The following ZNF44 variants were observed in gnomAD, a reference collection of about 807,000 sequenced individuals.
ZNF44 encodes the protein gonadotropin inducible transcription repressor-2.
ZNF44 carries 9 observed loss-of-function variants against 11.7 expected under a neutral mutation model. The observed-to-expected ratio is 0.77, with a 90% CI of 0.46 to 1.35. The LOEUF is 1.35. ZNF44 is among the 40% of genes most tolerant of loss of function. The pLI is 0.00. For synonymous variants in ZNF44, 224 were observed against 242.7 expected, an observed-to-expected ratio of 0.92 and a Z score of 0.72; for missense variants, 696 against 743.1, an observed-to-expected ratio of 0.94 and a Z score of 0.74.
At chr19:12,247,539 G>A, downstream of ZNF44, 1 of 1,349,942 alleles carries the variant, frequency 7.4e-7, no homozygotes, top group Non-Finnish European at 9.9e-7. Flanking sequence ...TTTCTCTCCA[G>A]TGTGGGTTCT....
At chr19:12,238,925 GC>G (rs1451702976), upstream of ZNF44, among the ~76,000 whole-genome samples, 1 of 152,182 alleles carries the variant, frequency 6.6e-6, no homozygotes, top group Non-Finnish European at 1.5e-5. Context: ...CTGTAACGCA[GC>G]CCCAGAGGGG....
At chr19:12,263,743 G>T (rs1160196603) in intron 5 of ZNF44, among the ~76,000 whole-genome samples, 1 of 151,822 alleles carries the variant, frequency 6.6e-6, no homozygotes, top group Non-Finnish European at 1.5e-5. Context: ...GGCTAACATG[G>T]TGAAACCCCG....
At chr19:12,257,430 A>T (rs532496902) in intron 5 of ZNF44, among the ~76,000 whole-genome samples, 1 of 151,898 alleles carries the variant, frequency 6.6e-6, no homozygotes, top group Non-Finnish European at 1.5e-5. Context: ...AGGGTAGATC[A>T]CCTGAGGTCA....
chr19:12,242,069 T>C (rs1213606163), upstream of ZNF44, among the ~76,000 whole-genome samples: 1 of 152,126 alleles, frequency 6.6e-6, no homozygotes, highest in Non-Finnish European at 1.5e-5. Flanking sequence ...GGTTGTTTAA[T>C]GGGTACCAAT....
Position 12,272,720 on chromosome 19 carries a change from G to C in ZNF44, c.1535C>G (p.Ala512Gly), listed in dbSNP as rs761171036. The C allele has an allele frequency of 1.2e-6, 2 of 1,613,578 alleles. No individual in the cohort carries two copies. Among genetic ancestry groups the C allele is most frequent in the African/African-American group, 2.7e-5 (2 of 74,998 alleles). The change falls in exon 4 of 4, where the codon GCC becomes GGC. Residue 512 changes from alanine (A) to glycine (G), a missense_variant. Transcript: ENST00000355684. ...TTTTAAGTAACTGAAACGACTGAAG[G>C]CTTTGCCACAAATTTGACACTCATA... ...KSYECQICGK[A>G]FSRFSYLKTH...
At chr19:12,228,176 T>TA (rs1397207550) in intron 3 of ZNF44, among the ~76,000 whole-genome samples, 122 of 106,032 alleles carry the variant, frequency 1.2e-3, no homozygotes, top group African/African-American at 5.2e-3. Flanking sequence ...TTGTTTAACT[T>TA]AACTTTTTTA....
intron 5 of ZNF44, chr19:12,266,182 C>T (rs2438534): frequency 0.16 from 146,965 of 891,774 alleles, 13,860 homozygotes; most frequent in African/African-American, 0.4. Context: ...CCCCAGACCC[C>T]GGAGTCGCCC....
rs61737484 is a variant in ZNF44 at position 12,272,743 on chromosome 19, A to C, written c.1512T>G (p.Tyr504Ter). 72 of 1,613,468 alleles carry C rather than the reference A, an allele frequency of 4.5e-5. No individual in the cohort carries two copies. The highest frequency in any genetic ancestry group is 5.8e-5 in the Non-Finnish European group (68 of 1,179,578). The change falls in exon 4 of 4, where the codon TAT becomes TAG. Residue 504 changes from tyrosine to a stop codon, truncating the protein, a stop_gained. Coordinates refer to ENST00000355684, the MANE Select transcript of ZNF44 (RefSeq NM_016264.4). LOFTEE classifies it low-confidence loss of function (END_TRUNC). The part of the protein sequence containing the change: ...HERTHSEEKS[Y>*]ECQICGKAFS... ...AGGCTTTGCCACAAATTTGACACTC[A>C]TAAGATTTTTCTTCACTGTGAGTCC... is the stretch of plus-strand genomic sequence containing the variant.
At chr19:12,238,271 C>T (rs1474516444), upstream of ZNF44, among the ~76,000 whole-genome samples, 1 of 152,122 alleles carries the variant, frequency 6.6e-6, no homozygotes, top group Non-Finnish European at 1.5e-5. Context: ...AGGAGGATCA[C>T]CTGAGGTCAG....
At chr19:12,291,072 TA>T (rs1439475151) in intron 1 of ZNF44, 1 of 278,564 alleles carries the variant, frequency 3.6e-6, no homozygotes, top group African/African-American at 2.3e-5. Flanking sequence ...AAAGCACAAG[TA>T]TCTATCCATC....
chr19:12,274,833 T>C (rs1346130674), intron 3 of ZNF44, 140 bp downstream of exon 3: 1 of 551,790 alleles, frequency 1.8e-6, no homozygotes, highest in Non-Finnish European at 3.1e-6. Context: ...CATTTAATAA[T>C]ATATTTTTAT....
chr19:12,249,008 G>A (rs1916876204), intron 7 of ZNF44, among the ~76,000 whole-genome samples: 1 of 151,676 alleles, frequency 6.6e-6, no homozygotes, highest in African/African-American at 2.4e-5. Flanking sequence ...TGCCACCCGG[G>A]TTCAACTGAT....
intron 5 of ZNF44, among the ~76,000 whole-genome samples, chr19:12,259,672 C>T (rs78038555): frequency 4.0e-4 from 61 of 152,254 alleles, no homozygotes; most frequent in East Asian, 2.9e-3. Flanking sequence ...AGGGTGTCAT[C>T]ACTGTCATCA....
downstream of ZNF44, chr19:12,247,543 G>C (rs1445695099): frequency 7.4e-7 from 1 of 1,349,182 alleles, no homozygotes; most frequent in South Asian, 1.2e-5. Flanking sequence ...TCTCCAGTGT[G>C]GGTTCTTTCA....
At chr19:12,277,834 G>C (rs1188475945) in intron 1 of ZNF44, among the ~76,000 whole-genome samples, 1 of 152,164 alleles carries the variant, frequency 6.6e-6, no homozygotes, top group African/African-American at 2.4e-5. Context: ...TCTGAAACAA[G>C]GCTCTCTTTT....
At chr19:12,231,715 A>T (rs920230515) in intron 2 of ZNF44, among the ~76,000 whole-genome samples, 1 of 152,226 alleles carries the variant, frequency 6.6e-6, no homozygotes, top group Non-Finnish European at 1.5e-5. Flanking sequence ...TCCATTAAGC[A>T]TCTAAACAAA....
rs188630761 is a variant in ZNF44, at chr19:12,283,873, T to G, written c.4-7791A>C. Among the ~76,000 whole-genome samples the G allele has an allele frequency of 2.6e-5, 4 of 152,266 alleles. No homozygotes were observed. In the East Asian group the frequency reaches 5.8e-4, roughly 22 times the overall value. Reference sequence around the variant, plus strand: ...ACACAAAATTAAAAAATTAGCCAAGTGTGGTGGCACATGCCTATAGTCCCA... The same window carrying G: ...ACACAAAATTAAAAAATTAGCCAAGGGTGGTGGCACATGCCTATAGTCCCA... On this transcript the variant is annotated intron_variant, in intron 1 of 3. Coordinates refer to ENST00000355684, the MANE Select transcript of ZNF44 (RefSeq NM_016264.4).
At chr19:12,240,289 C>CA (rs1916566039), upstream of ZNF44, among the ~76,000 whole-genome samples, 1 of 151,594 alleles carries the variant, frequency 6.6e-6, no homozygotes, top group African/African-American at 2.4e-5. Flanking sequence ...ACTAAAAATA[C>CA]AAAAAATTAG....
chr19:12,284,137 C>T (rs1038033049), intron 1 of ZNF44, among the ~76,000 whole-genome samples: 11 of 152,100 alleles, frequency 7.2e-5, no homozygotes, highest in Non-Finnish European at 1.3e-4. Context: ...ACAAAGCAAA[C>T]ATTTGCATTT....
Sources: gnomAD v4.1 joint callset for allele counts (sites outside exome capture counted in the v4.1 genomes callset) on GRCh38, gnomAD v4.1.1 for gene constraint, MANE v1.5 for transcripts, NCBI Gene and HGNC (gene_info 2026-07-23, HGNC 2026-07-21) for gene names.